The following WDFY4 variants were observed in gnomAD, a reference collection of about 807,000 sequenced individuals.
WDFY4 encodes WDFY family member 4, also known as WD repeat- and FYVE domain-containing protein 4.
Under a neutral mutation model 351.9 loss-of-function variants are expected in WDFY4, and 169 were observed. The ratio of observed to expected loss-of-function variants is 0.48; its 90% CI spans 0.42 to 0.55. The LOEUF is 0.55. Among genes scored for constraint, WDFY4 ranks in the 20% least tolerant of loss-of-function variants. The pLI is 0.00. For missense variants in WDFY4, 3,803 were observed against 3,935.6 expected, an observed-to-expected ratio of 0.97 and a Z score of 0.90; for synonymous variants, 1,622 against 1,574.6, an observed-to-expected ratio of 1.03 and a Z score of -0.71.
intron 39 of WDFY4, among the ~76,000 whole-genome samples, chr10:48,836,309 T>A (rs1380545736): frequency 6.6e-6 from 1 of 152,220 alleles, no homozygotes; most frequent in Non-Finnish European, 1.5e-5. Context: ...TATTGGTTTT[T>A]CCCTAAATAT....
chr10:48,846,557 G>A (rs1283998532), intron 39 of WDFY4, among the ~76,000 whole-genome samples: 3 of 152,232 alleles, frequency 2.0e-5, no homozygotes, highest in Non-Finnish European at 4.4e-5. Flanking sequence ...CTAGGAAGAA[G>A]CCAGGTTCAT....
chr10:48,959,229 C>T (rs1170495456), intron 52 of WDFY4, among the ~76,000 whole-genome samples: 2 of 152,128 alleles, frequency 1.3e-5, no homozygotes, highest in African/African-American at 4.8e-5. Context: ...TTGCTGTCCT[C>T]GCCTTAAAAA....
At chr10:48,943,483 CA>C (rs748534019) in intron 49 of WDFY4, 34 bp downstream of exon 49, 9 of 1,545,488 alleles carry the variant, frequency 5.8e-6, no homozygotes, top group Middle Eastern at 1.7e-4. Context: ...CAGCTGCCCT[CA>C]GGTGTTCGGA....
intron 47 of WDFY4, chr10:48,913,940 G>C: frequency 6.2e-7 from 1 of 1,614,134 alleles, no homozygotes. Context: ...GGAGGTTCTG[G>C]AACTTGGAGA....
Position 48,826,775 on chromosome 10 carries a change from C to T in WDFY4, c.6087C>T (p.Leu2029=). The change falls in exon 36 of 62, where the codon CTC becomes CTT. Residue 2029 remains leucine, a synonymous_variant. Coordinates refer to ENST00000325239, the MANE Select transcript of WDFY4 (RefSeq NM_001394531.1). ...LYCLSKPQQS[L]SECLGLLSIL... ...GCCTATCCAAGCCCCAGCAGTCCCT[C>T]TCCGAATGCCTCGGCCTTCTCAGCA... 6.4e-7 allele frequency: 1 copy of T among 1,551,976 alleles called. No homozygotes were observed. The highest frequency in any genetic ancestry group is 8.7e-7 in the Non-Finnish European group (1 of 1,147,050).
intron 2 of WDFY4, among the ~76,000 whole-genome samples, chr10:48,713,794 C>G (rs2063827685): frequency 6.6e-6 from 1 of 152,246 alleles, no homozygotes; most frequent in Non-Finnish European, 1.5e-5. Flanking sequence ...AACCTAGCCT[C>G]TACCCCTTTT....
chr10:48,721,444 G>A (rs1389504133), intron 4 of WDFY4, 77 bp downstream of exon 4: 3 of 1,355,032 alleles, frequency 2.2e-6, no homozygotes, highest in South Asian at 1.2e-5. Context: ...CAGGGTGGTG[G>A]CATATCCCAA....
At chr10:48,728,350 G>T (rs1012444231) in intron 7 of WDFY4, among the ~76,000 whole-genome samples, 7 of 152,144 alleles carry the variant, frequency 4.6e-5, no homozygotes, top group African/African-American at 1.7e-4. Flanking sequence ...TATCATCTTC[G>T]AGTGGGGCCC....
At chr10:48,949,134 G>A (rs1472086250) in intron 51 of WDFY4, among the ~76,000 whole-genome samples, 1 of 152,218 alleles carries the variant, frequency 6.6e-6, no homozygotes, top group African/African-American at 2.4e-5. Flanking sequence ...CTCCCATGTT[G>A]AAGTCACTGA....
At chr10:48,924,245 C>T (rs1839378916) in intron 47 of WDFY4, among the ~76,000 whole-genome samples, 1 of 152,208 alleles carries the variant, frequency 6.6e-6, no homozygotes, top group South Asian at 2.1e-4. Flanking sequence ...AGGGACCCTT[C>T]CTCTCAGTTA....
chr10:48,901,585 T>G (rs1222885951), intron 46 of WDFY4, among the ~76,000 whole-genome samples: 1 of 152,194 alleles, frequency 6.6e-6, no homozygotes, highest in African/African-American at 2.4e-5. Context: ...TTTATTGTTG[T>G]CATTGTTGGT....
intron 43 of WDFY4, among the ~76,000 whole-genome samples, chr10:48,889,221 T>A (rs1241762244): frequency 6.6e-6 from 1 of 152,246 alleles, no homozygotes; most frequent in Non-Finnish European, 1.5e-5. Flanking sequence ...CGGCTGGTCC[T>A]AGCTTACGAA....
At chr10:48,865,780 G>A (rs567848579) in intron 39 of WDFY4, among the ~76,000 whole-genome samples, 11 of 152,060 alleles carry the variant, frequency 7.2e-5, no homozygotes, top group Non-Finnish European at 1.6e-4. Flanking sequence ...TATTCCAATT[G>A]TCCATTTCTT....
intron 36 of WDFY4, among the ~76,000 whole-genome samples, chr10:48,827,262 T>A (rs1589702520): frequency 6.6e-6 from 1 of 151,970 alleles, no homozygotes; most frequent in African/African-American, 2.4e-5. Flanking sequence ...ATAATTGCAA[T>A]CTTAGAAAGG....
intron 13 of WDFY4, among the ~76,000 whole-genome samples, chr10:48,771,591 T>C (rs1334713408): frequency 6.7e-6 from 1 of 149,460 alleles, no homozygotes; most frequent in East Asian, 1.9e-4. Context: ...TGCCAGGCCT[T>C]GAGTCCCTTC....
At position 48,936,213 on chromosome 10, in the gene WDFY4, A is replaced by G. The variant is rs560116425; in HGVS notation, c.7587-5593A>G. Reference sequence around the variant, plus strand: ...CAATTTAGAAATAAAAACAAAACAAATCATTAAATGAGAGCTAACTATAAC... The same window carrying G: ...CAATTTAGAAATAAAAACAAAACAAGTCATTAAATGAGAGCTAACTATAAC... On this transcript the variant is annotated intron_variant, in intron 47 of 61. Coordinates refer to ENST00000325239, the MANE Select transcript of WDFY4 (RefSeq NM_001394531.1). 2.8e-4 allele frequency among the ~76,000 whole-genome samples: 43 copies of G among 152,256 alleles called. No homozygotes were observed. The South Asian group carries it at 8.9e-3, about 32-fold the overall frequency.
At chr10:48,718,869 C>T (rs2063990348) in intron 2 of WDFY4, among the ~76,000 whole-genome samples, 1 of 152,120 alleles carries the variant, frequency 6.6e-6, no homozygotes, top group Admixed American at 6.5e-5. Context: ...GCATTCCAAA[C>T]AGAATTTTAA....
intron 47 of WDFY4, 111 bp from the exon 48 acceptor site, chr10:48,941,695 C>T (rs1840773659): frequency 3.6e-6 from 4 of 1,113,820 alleles, no homozygotes; most frequent in Admixed American, 2.0e-5. Flanking sequence ...GGGAAGTCTG[C>T]AGCTTTCCTG....
rs1837133330 is a variant in WDFY4 at position 48,897,339 on chromosome 10, G to A, written c.7317-115G>A. On this transcript the variant is annotated intron_variant, in intron 44 of 61. Coordinates refer to ENST00000325239, the MANE Select transcript of WDFY4 (RefSeq NM_001394531.1). Reference sequence around the variant, plus strand: ...TTGGCAGTGACCACCGCACTTCTCTGATGTGTCATTGGAAATGTGGGTGGA... The same window carrying A: ...TTGGCAGTGACCACCGCACTTCTCTAATGTGTCATTGGAAATGTGGGTGGA... 4 of 1,421,224 alleles carry A rather than the reference G, an allele frequency of 2.8e-6. No homozygotes were observed. The Admixed American group carries it at 6.2e-5, about 22-fold the overall frequency. 88.0% of individuals were successfully genotyped at this position (1,421,224 alleles called of 1,614,324 possible). A position where few individuals can be genotyped will look rare whatever the true frequency, so the allele number is the denominator to read the frequency against.
Sources: allele counts gnomAD v4.1 joint callset (sites outside exome capture counted in the v4.1 genomes callset), GRCh38; gene constraint gnomAD v4.1.1; transcripts MANE v1.5; gene names NCBI Gene and HGNC (gene_info 2026-07-23, HGNC 2026-07-21).